The following PTPRD variants were observed in gnomAD, a reference collection of about 807,000 sequenced individuals.
The protein encoded by PTPRD is receptor-type tyrosine-protein phosphatase delta.
PTPRD carries 34 observed loss-of-function variants against 214.5 expected under a neutral mutation model. The observed-to-expected ratio is 0.16, with a 90% CI of 0.12 to 0.21. The LOEUF (loss-of-function observed/expected upper bound fraction) is 0.21. Ranked by LOEUF, PTPRD falls within the 10% of genes least tolerant of loss-of-function variation. The pLI, the probability that PTPRD is intolerant of heterozygous loss-of-function variation, is 1.00. For missense variants in PTPRD, 2,545 were observed against 2,398.7 expected (o/e 1.06, Z -1.27); for synonymous variants, 1,128 against 845.7 (o/e 1.33, Z -5.79).
At chr9:9,737,493 A>G (rs1484111410) in intron 6 of PTPRD, among the ~76,000 whole-genome samples, 1 of 152,174 alleles carries the variant, frequency 6.6e-6, no homozygotes, top group Non-Finnish European at 1.5e-5. Flanking sequence ...ACCTATTAGC[A>G]GCCAATATCT....
intron 35 of PTPRD, among the ~76,000 whole-genome samples, chr9:8,432,423 T>A (rs1421337306): frequency 1.3e-5 from 2 of 152,222 alleles, no homozygotes; most frequent in African/African-American, 4.8e-5. Flanking sequence ...AATACTGTGC[T>A]ACAATTTAAC....
At chr9:9,609,733 G>A (rs943365565) in intron 7 of PTPRD, among the ~76,000 whole-genome samples, 1 of 152,106 alleles carries the variant, frequency 6.6e-6, no homozygotes, top group Non-Finnish European at 1.5e-5. Context: ...AAAGCGCTGG[G>A]ATCACAGGTG....
chr9:10,082,061 T>G (rs1194826896), intron 3 of PTPRD, among the ~76,000 whole-genome samples: 1 of 152,078 alleles, frequency 6.6e-6, no homozygotes, highest in Admixed American at 6.6e-5. Flanking sequence ...AATCTGTGTG[T>G]AGGTGACTTG....
intron 14 of PTPRD, among the ~76,000 whole-genome samples, chr9:8,614,039 G>C (rs1429722971): frequency 6.6e-6 from 1 of 151,706 alleles, no homozygotes; most frequent in Middle Eastern, 3.2e-3. Flanking sequence ...AGTTTCTCTA[G>C]TTTTGTTCTG....
At chr9:10,426,714 A>G (rs1587961073) in intron 2 of PTPRD, among the ~76,000 whole-genome samples, 1 of 152,186 alleles carries the variant, frequency 6.6e-6, no homozygotes, top group Admixed American at 6.6e-5. Context: ...TTTTGCATTT[A>G]CCTGAAGTGG....
intron 5 of PTPRD, among the ~76,000 whole-genome samples, chr9:9,907,838 A>G (rs1490771488): frequency 6.6e-6 from 1 of 152,078 alleles, no homozygotes; most frequent in Non-Finnish European, 1.5e-5. Flanking sequence ...GAATCACTTA[A>G]CAGTTGTCAT....
intron 7 of PTPRD, among the ~76,000 whole-genome samples, chr9:9,620,494 A>G (rs2095178206): frequency 6.6e-6 from 1 of 152,140 alleles, no homozygotes; most frequent in South Asian, 2.1e-4. Flanking sequence ...ACCATACCAA[A>G]TAAAATATTA....
intron 34 of PTPRD, among the ~76,000 whole-genome samples, chr9:8,441,632 G>T (rs1018234041): frequency 6.6e-6 from 1 of 152,006 alleles, no homozygotes; most frequent in Non-Finnish European, 1.5e-5. Flanking sequence ...CTGCATGCTT[G>T]TATCCACAAG....
chr9:10,428,372 AC>A (rs567103516), intron 2 of PTPRD, among the ~76,000 whole-genome samples: 91 of 152,206 alleles, frequency 6.0e-4, no homozygotes, highest in African/African-American at 2.1e-3. Context: ...AACATGGCTA[AC>A]TCATAACAGA....
intron 14 of PTPRD, among the ~76,000 whole-genome samples, chr9:8,618,896 G>GTTTT (rs34636829): frequency 8.1e-6 from 1 of 122,830 alleles, no homozygotes; most frequent in African/African-American, 3.2e-5. Context: ...GTGTGTGTGT[G>GTTTT]TTTGTCTGTG....
Position 10,449,217 on chromosome 9 carries a change from T to G in PTPRD, c.-599-108200A>C, listed in dbSNP as rs546810891. Among the ~76,000 whole-genome samples, 11 of 152,048 alleles carry G rather than the reference T, an allele frequency of 7.2e-5. 2 individuals carry two copies. Among genetic ancestry groups the G allele is most frequent in the African/African-American group, 2.7e-4 (11 of 41,312 alleles). ...GCCACGCCTGACTGGTTTTTGTATT[T>G]TTTGGTGGAGACGAGGTTTCGCCGC... On this transcript the variant is annotated intron_variant, in intron 2 of 45. Coordinates refer to ENST00000381196, the MANE Select transcript of PTPRD (RefSeq NM_002839.4).
At chr9:9,044,147 C>T (rs539082136) in intron 10 of PTPRD, among the ~76,000 whole-genome samples, 2 of 152,214 alleles carry the variant, frequency 1.3e-5, no homozygotes, top group African/African-American at 4.8e-5. Flanking sequence ...ACAACATGAA[C>T]TTCCATTCTG....
intron 3 of PTPRD, among the ~76,000 whole-genome samples, chr9:10,168,973 T>C (rs975876793): frequency 2.0e-5 from 3 of 152,164 alleles, no homozygotes; most frequent in African/African-American, 7.2e-5. Context: ...AATCCACCTG[T>C]CAGGAGTTTA....
At chr9:8,855,555 G>C (rs1247020273) in intron 11 of PTPRD, among the ~76,000 whole-genome samples, 1 of 152,122 alleles carries the variant, frequency 6.6e-6, no homozygotes, top group African/African-American at 2.4e-5. Flanking sequence ...ATTTGAGAGA[G>C]ACAGTGTTCC....
intron 7 of PTPRD, among the ~76,000 whole-genome samples, chr9:9,620,794 G>A (rs750187311): frequency 2.6e-5 from 4 of 151,390 alleles, no homozygotes; most frequent in East Asian, 1.9e-4. Flanking sequence ...GAACTTTATC[G>A]TCAGCTACAT....
chr9:9,182,382 G>A (rs528853063), intron 10 of PTPRD, among the ~76,000 whole-genome samples: 1 of 151,974 alleles, frequency 6.6e-6, no homozygotes. Flanking sequence ...GCAGATAAGA[G>A]ATTTGAGCAT....
chr9:9,720,471 C>CAT, intron 7 of PTPRD, among the ~76,000 whole-genome samples: 1 of 151,890 alleles, frequency 6.6e-6, no homozygotes, highest in South Asian at 2.1e-4. Context: ...GACATGAAGC[C>CAT]GAAAGTCAGA....
intron 12 of PTPRD, among the ~76,000 whole-genome samples, chr9:8,706,563 G>A (rs1279902466): frequency 6.6e-6 from 1 of 151,926 alleles, no homozygotes; most frequent in Non-Finnish European, 1.5e-5. Context: ...ATATATTTAG[G>A]AAACAGAGCG....
At chr9:9,772,350 G>A (rs1208363872) in intron 5 of PTPRD, among the ~76,000 whole-genome samples, 1 of 152,146 alleles carries the variant, frequency 6.6e-6, no homozygotes, top group East Asian at 1.9e-4. Context: ...GCTACCCAGG[G>A]TGTGGTACTT....
Sources: allele counts gnomAD v4.1 joint callset (sites outside exome capture counted in the v4.1 genomes callset), GRCh38; gene constraint gnomAD v4.1.1; transcripts MANE v1.5; gene names NCBI Gene and HGNC (gene_info 2026-07-23, HGNC 2026-07-21).